Variants in AHNAK2 observed in about 807,000 individuals in gnomAD.
AHNAK2 encodes the protein protein AHNAK2.
AHNAK2 carries 18 observed loss-of-function variants against 30.7 expected under a neutral mutation model. That is an observed-to-expected ratio of 0.59 (90% CI 0.41 to 0.87). The LOEUF is 0.87. AHNAK2 is among the 40% of genes least tolerant of loss of function. The pLI is 0.00. For missense variants in AHNAK2, 8,604 were observed against 7,373.0 expected (o/e 1.17, Z -6.11); for synonymous variants, 3,590 against 3,073.8 (o/e 1.17, Z -5.56).
chr14:104,957,437 C>T lies in AHNAK2; in HGVS notation c.186G>A (p.Thr62=), dbSNP rs373178372. Residue 62 remains threonine, a synonymous_variant, in exon 3 of 7, where the codon ACG becomes ACA. Coordinates refer to ENST00000333244, the MANE Select transcript of AHNAK2 (RefSeq NM_138420.4). The stretch of plus-strand genomic sequence containing the variant: ...GGAGTCCAAAGTCGGCAGCCTCAGT[C>T]GTGTATTCGTAGACAGGTGAAGACC... ...PQGSSPVYEY[T]TEAADFGLQE... 7.5e-6 allele frequency: 12 copies of T among 1,594,822 alleles called. No individual in the cohort carries two copies. The highest frequency in any genetic ancestry group is 3.4e-5 in the Admixed American group (2 of 59,420).
chr14:104,968,538 G>A (rs996739932), intron 1 of AHNAK2, among the ~76,000 whole-genome samples: 1 of 152,250 alleles, frequency 6.6e-6, no homozygotes, highest in Admixed American at 6.5e-5. Context: ...AGTTCTTGGA[G>A]GGTCCAGAAC....
rs745860269 is a variant in AHNAK2 at position 104,941,949 on chromosome 14, G to C, written c.13502C>G (p.Ser4501Cys). 6.2e-7 allele frequency: 1 copy of C among 1,613,642 alleles called. No individual in the cohort carries two copies. The highest frequency in any genetic ancestry group is 1.1e-5 in the South Asian group (1 of 91,052). The change falls in exon 7 of 7, where the codon TCC (serine) becomes TGC (cysteine). Residue 4501 changes from serine (S) to cysteine (C), a missense_variant. Coordinates refer to ENST00000333244, the MANE Select transcript of AHNAK2 (RefSeq NM_138420.4). ...PKMEADMSIP[S>C]MQGDLKTTDL... The stretch of plus-strand genomic sequence containing the variant: ...AGTGGTCTTGAGGTCCCCCTGCATG[G>C]AGGGAATGCTCATGTCGGCCTCCAT...
At position 104,939,433 on chromosome 14, in the gene AHNAK2, T is replaced by C. The variant is rs557933804; in HGVS notation, c.16018A>G (p.Met5340Val). ...GACCATTTCTCTGTTTTATCCTCCA[T>C]GCTGGCAAGGTCATGTCCTGGCTTG... is the stretch of plus-strand genomic sequence containing the variant. The part of the protein sequence containing the change: ...LSKPGHDLAS[M>V]EDKTEKWSSQ... The change falls in exon 7 of 7, where the codon ATG becomes GTG. Residue 5340 changes from methionine (M) to valine (V), a missense_variant. Coordinates refer to ENST00000333244, the MANE Select transcript of AHNAK2 (RefSeq NM_138420.4). 1.5e-5 allele frequency: 25 copies of C among 1,613,480 alleles called. No individual in the cohort carries two copies. In the South Asian group the frequency reaches 1.9e-4, roughly 12 times the overall value.
intron 1 of AHNAK2, among the ~76,000 whole-genome samples, chr14:104,959,792 A>T (rs1484016987): frequency 6.6e-6 from 1 of 152,246 alleles, no homozygotes; most frequent in Non-Finnish European, 1.5e-5. Context: ...AGTCAAATGC[A>T]CAGGAAGAAA....
chr14:104,938,111 T>C lies in AHNAK2; in HGVS notation c.17340A>G (p.Lys5780=). ...CTGACCCTTTGCTTTCATCGTCAGC[T>C]TTTCTGTCCTGCTCGGGCAGGATTA... ...TELILPEQDR[K]ADDESKGSGL... Residue 5780 remains lysine, a synonymous_variant, in exon 7 of 7, where the codon AAA becomes AAG. Transcript: ENST00000333244. 6.2e-7 allele frequency: 1 copy of C among 1,613,984 alleles called. No homozygotes were observed. The highest frequency in any genetic ancestry group is 1.1e-5 in the South Asian group (1 of 91,076).
chr14:104,958,662 A>G (rs1424080782), intron 1 of AHNAK2, among the ~76,000 whole-genome samples: 6 of 152,212 alleles, frequency 3.9e-5, no homozygotes, highest in Admixed American at 3.9e-4. Context: ...CTTGTAGATT[A>G]ATATAAATTA....
rs1897874502 is a variant in AHNAK2 at position 104,938,371 on chromosome 14, C to T, written c.17080G>A (p.Ala5694Thr). 3 of 1,613,954 alleles carry T rather than the reference C, an allele frequency of 1.9e-6. No individual in the cohort carries two copies. Among genetic ancestry groups the T allele is most frequent in the Non-Finnish European group, 2.5e-6 (3 of 1,179,876 alleles). Residue 5694 changes from alanine (A) to threonine (T), a missense_variant, in exon 7 of 7, where the codon GCA becomes ACA. Physicochemically the swap from Ala to Thr is moderately conservative, Grantham distance 58. Transcript: ENST00000333244. The stretch of plus-strand genomic sequence containing the variant: ...AATTTGGGAAATCGGAACCAGCCTG[C>T]CTTCTCCTGTTTTTTAGGCAGTTCT... Reference protein sequence around the residue: ...EAELPKKQEKAGWFRFPKLGF... With the variant: ...EAELPKKQEKTGWFRFPKLGF...
Position 104,943,991 on chromosome 14 carries a change from C to T in AHNAK2, c.11460G>A (p.Lys3820=), listed in dbSNP as rs375422011. The change falls in exon 7 of 7, where the codon AAG becomes AAA. Residue 3820 remains lysine, a synonymous_variant. Coordinates refer to ENST00000333244, the MANE Select transcript of AHNAK2 (RefSeq NM_138420.4). ...ACACGTGCACCGAGGCCTCAATGGA[C>T]TTGCCTGGGGCAGACACCCCAAATG... The part of the protein sequence containing the change: ...MPSFGVSAPG[K]SIEASVHVSA... 3.2e-5 allele frequency: 51 copies of T among 1,612,920 alleles called. No individual in the cohort carries two copies. In the African/African-American group the frequency reaches 6.0e-4, roughly 19 times the overall value.
At chr14:104,960,782 A>G (rs1899112319) in intron 1 of AHNAK2, among the ~76,000 whole-genome samples, 1 of 152,236 alleles carries the variant, frequency 6.6e-6, no homozygotes, top group Non-Finnish European at 1.5e-5. Context: ...GGTGAGTTCT[A>G]TGGTTTATAA....
intron 1 of AHNAK2, chr14:104,970,623 C>T: frequency 1.5e-6 from 1 of 674,822 alleles, no homozygotes; most frequent in Non-Finnish European, 1.8e-6. Flanking sequence ...CACATCCCAC[C>T]AGAGGGAGTG....
chr14:104,975,189 G>A (rs1387311137), intron 1 of AHNAK2, among the ~76,000 whole-genome samples: 2 of 152,348 alleles, frequency 1.3e-5, no homozygotes, highest in East Asian at 3.9e-4. Context: ...TCCTGGGCAT[G>A]GAGAAGGCCG....
At position 104,954,104 on chromosome 14, in the gene AHNAK2, C is replaced by A; in HGVS notation, c.1347G>T (p.Glu449Asp). ...RAQPTPGMSR[E>D]GEGEGLQSLE... is the part of the protein sequence containing the mutation. ...GGCTCTGCAGTCCCTCGCCTTCACC[C>A]TCCCGGCTCATTCCAGGAGTTGGCT... Residue 449 changes from glutamate to aspartate, a missense_variant, in exon 7 of 7, where the codon GAG becomes GAT. Transcript: ENST00000333244. This position sits in a 1 kb window ranked among gnomAD's most constrained non-coding sequence, Gnocchi z 4.3. 1.2e-6 allele frequency: 2 copies of A among 1,612,690 alleles called. No individual in the cohort carries two copies. The highest frequency in any genetic ancestry group is 1.7e-6 in the Non-Finnish European group (2 of 1,179,876).
rs1240920597 is a variant in AHNAK2 at position 104,950,175 on chromosome 14, G to A, written c.5276C>T (p.Pro1759Leu). The A allele has an allele frequency of 1.3e-5, 21 of 1,585,906 alleles. 5 individuals are homozygous for A. The highest frequency in any genetic ancestry group is 1.7e-5 in the Admixed American group (1 of 57,374). Residue 1759 changes from proline to leucine, a missense_variant, in exon 7 of 7, where the codon CCC becomes CTC. Physicochemically the swap from Pro to Leu is moderately conservative, Grantham distance 98. Coordinates refer to ENST00000333244, the MANE Select transcript of AHNAK2 (RefSeq NM_138420.4). The stretch of plus-strand genomic sequence containing the variant: ...CTTGGGGCCCTTGACGTCCATCTGG[G>A]GGCCCTTGAGGGCCACTTTGGGCAT... ...LKMPKVALKG[P>L]QMDVKGPKLD...
chr14:104,957,817 G>A, intron 1 of AHNAK2, 145 bp from the exon 2 acceptor site: 1 of 815,510 alleles, frequency 1.2e-6, no homozygotes, highest in Admixed American at 2.2e-5. Context: ...CTCAGGGGCT[G>A]GGGGAAGATC....
chr14:104,952,896 A>G lies in AHNAK2; in HGVS notation c.2555T>C (p.Met852Thr), dbSNP rs953936026. 6.2e-7 allele frequency: 1 copy of G among 1,611,810 alleles called. No homozygotes were observed. Among genetic ancestry groups the G allele is most frequent in the Admixed American group, 1.7e-5 (1 of 59,850 alleles). The change falls in exon 7 of 7, where the codon ATG (methionine) becomes ACG (threonine). Residue 852 changes from methionine to threonine, a missense_variant. Physicochemically the swap from Met to Thr is moderately conservative, Grantham distance 81 (BLOSUM62 -1). Coordinates refer to ENST00000333244, the MANE Select transcript of AHNAK2 (RefSeq NM_138420.4). ...CGCAGACACATCCACCGAGTCCTCC[A>G]TGGACTTGCCTGGGGCCGACACCCC... is the stretch of plus-strand genomic sequence containing the variant. ...SFGVSAPGKSMEDSVDVSAPK... is the reference protein window; with the variant it reads ...SFGVSAPGKSTEDSVDVSAPK...
Position 104,953,396 on chromosome 14 carries a change from G to A in AHNAK2, c.2055C>T (p.Phe685=), listed in dbSNP as rs377552435. ...TGGACTTGCCTGGGGCTGACGCCCC[G>A]AACAATGGCATCTTGAACTTGGGCA... ...FKMPKFKMPL[F]GASAPGKSME... Residue 685 remains phenylalanine (F), a synonymous_variant, in exon 7 of 7, where the codon TTC becomes TTT. Transcript: ENST00000333244. 1.7e-4 allele frequency: 268 copies of A among 1,613,838 alleles called. No individual in the cohort carries two copies. In the African/African-American group the frequency reaches 2.2e-3, roughly 13 times the overall value.
chr14:104,937,926 C>T lies in AHNAK2; in HGVS notation c.*137G>A. On this transcript the variant is annotated 3_prime_UTR_variant, in exon 7 of 7. Coordinates refer to ENST00000333244, the MANE Select transcript of AHNAK2 (RefSeq NM_138420.4). ...GTGATGGTGACAAAGGTGTTCTGGT[C>T]ATTTCTGCTCTGTTCTCCGTTCTGT... 2 of 915,654 alleles carry T rather than the reference C, an allele frequency of 2.2e-6. No individual in the cohort carries two copies. The highest frequency in any genetic ancestry group is 4.1e-5 in the South Asian group (2 of 48,436). The allele number at this position is 915,654 out of a possible 1,614,324, so 56.7% of individuals were successfully genotyped here.
In AHNAK2 at chr14:104,950,195, G is replaced by C; in HGVS notation, c.5256C>G (p.Pro1752=). Residue 1752 remains proline, a synonymous_variant, in exon 7 of 7, where the codon CCC becomes CCG. Coordinates refer to ENST00000333244, the MANE Select transcript of AHNAK2 (RefSeq NM_138420.4). ...TCTGGGGGCCCTTGAGGGCCACTTT[G>C]GGCATCTTCAAACTGGGCATCTGCA... ...PKVQMPSLKM[P]KVALKGPQMD... is the part of the protein sequence containing the mutation. 1.9e-6 allele frequency: 3 copies of C among 1,585,880 alleles called. No homozygotes were observed. Among genetic ancestry groups the C allele is most frequent in the African/African-American group, 1.4e-5 (1 of 72,064 alleles).
Position 104,944,529 on chromosome 14 carries a change from G to A in AHNAK2, c.10922C>T (p.Pro3641Leu), listed in dbSNP as rs1898155190. Reference sequence around the variant, plus strand: ...CCTGAATGACGGCATCTTGAATTTGGGCATTTTGAACTTGCTGTCTTTGGC... The same window carrying A: ...CCTGAATGACGGCATCTTGAATTTGAGCATTTTGAACTTGCTGTCTTTGGC... ...VTAKDSKFKM[P>L]KFKMPSFRVS... Residue 3641 changes from proline to leucine, a missense_variant, in exon 7 of 7, where the codon CCC (proline) becomes CTC (leucine). Coordinates refer to ENST00000333244, the MANE Select transcript of AHNAK2 (RefSeq NM_138420.4). 1 of 1,612,912 alleles carries A rather than the reference G, an allele frequency of 6.2e-7. No individual in the cohort carries two copies. Among genetic ancestry groups the A allele is most frequent in the Non-Finnish European group, 8.5e-7 (1 of 1,179,588 alleles).
Sources: gnomAD v4.1 joint callset for allele counts (sites outside exome capture counted in the v4.1 genomes callset) on GRCh38, gnomAD v4.1.1 for gene constraint, Gnocchi (gnomAD v3.1) non-coding constraint, MANE v1.5 for transcripts, NCBI Gene and HGNC (gene_info 2026-07-23, HGNC 2026-07-21) for gene names.